Variants in SLFN12L observed in about 807,000 individuals in gnomAD.
SLFN12L encodes schlafen family member 12 like.
In SLFN12L, 34 loss-of-function variants were observed where a neutral mutation model predicts 34.8. The ratio of observed to expected loss-of-function variants is 0.98; its 90% CI spans 0.74 to 1.30. The LOEUF is 1.30. SLFN12L is among the 50% of genes most tolerant of loss of function. The pLI, the probability that SLFN12L is intolerant of heterozygous loss-of-function variation, is 0.00. For missense variants in SLFN12L, 703 were observed against 696.2 expected (o/e 1.01, Z -0.11); for synonymous variants, 259 against 247.5 (o/e 1.05, Z -0.44).
intron 1 of SLFN12L, among the ~76,000 whole-genome samples, chr17:35,536,162 T>G (rs550046649): frequency 6.6e-6 from 1 of 152,266 alleles, no homozygotes; most frequent in Non-Finnish European, 1.5e-5. Flanking sequence ...GTCTCCCAAA[T>G]TATTAGGCCT....
intron 2 of SLFN12L, 161 bp from the exon 3 acceptor site, chr17:35,480,356 G>GT: frequency 6.0e-6 from 3 of 500,756 alleles, no homozygotes; most frequent in Non-Finnish European, 1.0e-5. Context: ...AGCTAAGGCT[G>GT]TGATAATTTA....
chr17:35,502,322 G>A (rs1316820523), intron 2 of SLFN12L, among the ~76,000 whole-genome samples: 4 of 148,100 alleles, frequency 2.7e-5, no homozygotes, highest in Non-Finnish European at 5.9e-5. Context: ...TCAATCTGTA[G>A]TGGCAACTGC....
chr17:35,511,048 A>G lies in SLFN12L; in HGVS notation c.86+11231T>C, dbSNP rs72828014. ...AACTTTACTACTCTTTTGTTTTTAC[A>G]TTGATTTTCATGTTTATCTTATTCT... On this transcript the variant is annotated intron_variant, in intron 2 of 4. Transcript: ENST00000628453. Among the ~76,000 whole-genome samples the G allele has an allele frequency of 6.6e-3, 1,012 of 152,270 alleles. 11 individuals are homozygous for G. The highest frequency in any genetic ancestry group is 8.8e-3 in the Admixed American group (134 of 15,294).
chr17:35,475,534 T>G (rs1224670955), intron 4 of SLFN12L, 49 bp from the exon 5 acceptor site: 1 of 1,490,296 alleles, frequency 6.7e-7, no homozygotes, highest in Non-Finnish European at 8.9e-7. Context: ...AACTTCCAAC[T>G]TAAGCCATGG....
chr17:35,504,639 C>T (rs1315605138), intron 2 of SLFN12L, among the ~76,000 whole-genome samples: 1 of 152,154 alleles, frequency 6.6e-6, no homozygotes, highest in Non-Finnish European at 1.5e-5. Flanking sequence ...CTGGAGTAAT[C>T]AGTCATGCCA....
At chr17:35,486,808 G>T (rs1324029986) in intron 2 of SLFN12L, among the ~76,000 whole-genome samples, 1 of 152,058 alleles carries the variant, frequency 6.6e-6, no homozygotes, top group Non-Finnish European at 1.5e-5. Flanking sequence ...AATGGGGGTG[G>T]CATTCATATC....
rs555193916 is a variant in SLFN12L, at chr17:35,511,734, G to A, written c.86+10545C>T. ...ACTGCACTCCAGCCTGGGCAACAAAGCAAGACTTCATCTCTAAATAAAATG... is the reference window on the plus strand; with the variant it reads ...ACTGCACTCCAGCCTGGGCAACAAAACAAGACTTCATCTCTAAATAAAATG... On this transcript the variant is annotated intron_variant, in intron 2 of 4. Coordinates refer to ENST00000628453, the MANE Select transcript of SLFN12L (RefSeq NM_001363830.2). 7.9e-5 allele frequency among the ~76,000 whole-genome samples: 12 copies of A among 152,256 alleles called. No individual in the cohort carries two copies. In the South Asian group the frequency reaches 2.5e-3, roughly 32 times the overall value.
intron 4 of SLFN12L, among the ~76,000 whole-genome samples, chr17:35,476,617 T>A (rs1914036635): frequency 6.6e-6 from 1 of 151,938 alleles, no homozygotes. Context: ...AAACACAAAT[T>A]GTAATTCAAC....
At chr17:35,482,094 G>A (rs976317080) in intron 2 of SLFN12L, among the ~76,000 whole-genome samples, 1 of 152,150 alleles carries the variant, frequency 6.6e-6, no homozygotes, top group Non-Finnish European at 1.5e-5. Flanking sequence ...TGATGATCCT[G>A]ACCTCAGATG....
chr17:35,493,722 C>A (rs1567663285), intron 2 of SLFN12L, among the ~76,000 whole-genome samples: 1 of 152,136 alleles, frequency 6.6e-6, no homozygotes, highest in Non-Finnish European at 1.5e-5. Flanking sequence ...TAGGTATGTG[C>A]TTATATGTAC....
At chr17:35,524,427 G>A (rs902217945) in intron 1 of SLFN12L, among the ~76,000 whole-genome samples, 4 of 152,202 alleles carry the variant, frequency 2.6e-5, no homozygotes, top group Admixed American at 6.5e-5. Context: ...TATCCCAATT[G>A]GGAGACACCT....
At position 35,475,436 on chromosome 17, in the gene SLFN12L, C is replaced by T. The variant is rs760504452; in HGVS notation, c.1326G>A (p.Leu442=). Residue 442 remains leucine, a synonymous_variant, in exon 5 of 5, where the codon CTG becomes CTA. Coordinates refer to ENST00000628453, the MANE Select transcript of SLFN12L (RefSeq NM_001363830.2). ...GCTTAAGTCCTTCATGTTGTGAGAACAGATTTCTGCAGAAGGTTTTTGGAG... is the reference window on the plus strand; with the variant it reads ...GCTTAAGTCCTTCATGTTGTGAGAATAGATTTCTGCAGAAGGTTTTTGGAG... ...TCAPKTFCRN[L]FSQHEGLKQL... The T allele has an allele frequency of 6.2e-7, 1 of 1,613,054 alleles. No homozygotes were observed. Among genetic ancestry groups the T allele is most frequent in the African/African-American group, 1.3e-5 (1 of 74,852 alleles).
rs1201779708 is a variant in SLFN12L, at chr17:35,479,565, G to T, written c.717C>A (p.Thr239=). 3 of 1,613,618 alleles carry T rather than the reference G, an allele frequency of 1.9e-6. No individual in the cohort carries two copies. Residue 239 remains threonine, a synonymous_variant, in exon 3 of 5, where the codon ACC becomes ACA. Coordinates refer to ENST00000628453, the MANE Select transcript of SLFN12L (RefSeq NM_001363830.2). ...TTTCAACGTGTGTGGATTCAGTAAAGGTCAATTTTTCTTTATAACCAAGTT... is the reference window on the plus strand; with the variant it reads ...TTTCAACGTGTGTGGATTCAGTAAATGTCAATTTTTCTTTATAACCAAGTT... ...RTELGYKEKL[T]FTESTHVEIK...
chr17:35,514,791 C>A, intron 2 of SLFN12L: 2 of 397,570 alleles, frequency 5.0e-6, no homozygotes, highest in Non-Finnish European at 9.8e-6. Flanking sequence ...TTTGGCCAAG[C>A]GCCAGCACTT....
chr17:35,482,098 T>G (rs560439961), intron 2 of SLFN12L, among the ~76,000 whole-genome samples: 3 of 152,282 alleles, frequency 2.0e-5, no homozygotes, highest in Admixed American at 2.0e-4. Context: ...GATCCTGACC[T>G]CAGATGATCC....
At chr17:35,498,193 G>A (rs1364830443) in intron 2 of SLFN12L, 1 of 687,978 alleles carries the variant, frequency 1.5e-6, no homozygotes, top group Non-Finnish European at 2.6e-6. Context: ...GTGGGGAGCC[G>A]GGGCCGCCTG....
chr17:35,515,314 C>G (rs1255058093), intron 2 of SLFN12L: 1 of 367,446 alleles, frequency 2.7e-6, no homozygotes, highest in Non-Finnish European at 5.2e-6. Context: ...AAAGCAAGAT[C>G]CAGGGTTCTG....
At chr17:35,498,363 A>G in intron 2 of SLFN12L, 1 of 1,052,306 alleles carries the variant, frequency 9.5e-7, no homozygotes, top group African/African-American at 1.6e-5. Context: ...CACGGTACAC[A>G]GAGAATCTCA....
intron 2 of SLFN12L, among the ~76,000 whole-genome samples, chr17:35,484,078 C>T (rs549973561): frequency 6.6e-6 from 1 of 152,152 alleles, no homozygotes; most frequent in Non-Finnish European, 1.5e-5. Context: ...AATGACACAA[C>T]TCCTTGTGCA....
Sources: gnomAD v4.1 joint callset for allele counts (sites outside exome capture counted in the v4.1 genomes callset) on GRCh38, gnomAD v4.1.1 for gene constraint, MANE v1.5 for transcripts, NCBI Gene and HGNC (gene_info 2026-07-23, HGNC 2026-07-21) for gene names.